Variants in TYW1 observed in about 807,000 individuals in gnomAD.
TYW1 encodes the protein tRNA-yW synthesizing protein 1 homolog, also known as S-adenosyl-L-methionine-dependent tRNA 4-demethylwyosine synthase TYW1.
TYW1 carries 46 observed loss-of-function variants against 96.2 expected under a neutral mutation model. That is an observed-to-expected ratio of 0.48 (90% CI 0.38 to 0.61). The LOEUF is 0.61. TYW1 is among the 20% of genes least tolerant of loss of function. TYW1 has a pLI of 0.00. For missense variants in TYW1, 684 were observed against 909.6 expected, an observed-to-expected ratio of 0.75 and a Z score of 3.19; for synonymous variants, 274 against 323.0, an observed-to-expected ratio of 0.85 and a Z score of 1.63.
intron 7 of TYW1, among the ~76,000 whole-genome samples, chr7:67,029,415 G>GTA (rs55802244): frequency 0.029 from 2,766 of 94,334 alleles, 154 homozygotes; most frequent in African/African-American, 0.079. Context: ...GTGTGTGTGT[G>GTA]TATATATATA....
intron 11 of TYW1, chr7:67,089,276 C>T: frequency 7.3e-7 from 1 of 1,370,280 alleles, no homozygotes; most frequent in Admixed American, 2.0e-5. Flanking sequence ...TGGGGGCAAA[C>T]CAGGCTCCTT....
chr7:67,073,182 A>G (rs866886053), intron 10 of TYW1, among the ~76,000 whole-genome samples: 28 of 152,218 alleles, frequency 1.8e-4, no homozygotes, highest in Middle Eastern at 6.8e-3. Flanking sequence ...CTGTTAAATC[A>G]GTGGTTCTCA....
At chr7:67,001,702 G>A (rs1384965047) in intron 3 of TYW1, among the ~76,000 whole-genome samples, 1 of 151,570 alleles carries the variant, frequency 6.6e-6, no homozygotes, top group Non-Finnish European at 1.5e-5. Flanking sequence ...TTACAGGCGT[G>A]AGCCACCGCG....
In TYW1 at chr7:67,024,943, G is replaced by C; in HGVS notation, c.905G>C (p.Gly302Ala). The change falls in exon 7 of 16, where the codon GGT becomes GCT. Residue 302 changes from glycine (G) to alanine (A), a missense_variant. Transcript: ENST00000359626. ...AGCTCCAGTGAAGAAGAGTTTGGTG[G>C]TGAGGACCATCAGAGCCTAAATTCC... ...FESSSEEEFGGEDHQSLNSIV... is the reference protein window; with the variant it reads ...FESSSEEEFGAEDHQSLNSIV... 2 of 1,613,892 alleles carry C rather than the reference G, an allele frequency of 1.2e-6. No homozygotes were observed. The highest frequency in any genetic ancestry group is 1.7e-6 in the Non-Finnish European group (2 of 1,179,840).
At chr7:67,028,238 CAAAA>C (rs58455978) in intron 7 of TYW1, among the ~76,000 whole-genome samples, 1 of 105,478 alleles carries the variant, frequency 9.5e-6, no homozygotes, top group African/African-American at 3.6e-5. Context: ...GACTCTGTCT[CAAAA>C]AAAAAAAAAA....
At chr7:67,089,782 C>A (rs991983597) in intron 11 of TYW1, among the ~76,000 whole-genome samples, 8 of 152,230 alleles carry the variant, frequency 5.3e-5, no homozygotes, top group Non-Finnish European at 7.4e-5. Context: ...CTTTTCCTGA[C>A]CTTTATTAGC....
At chr7:67,077,791 G>A (rs558442272) in intron 10 of TYW1, among the ~76,000 whole-genome samples, 131 of 152,166 alleles carry the variant, frequency 8.6e-4, no homozygotes, top group African/African-American at 3.0e-3. Flanking sequence ...CTGTAATTTC[G>A]AAGTTCTATT....
intron 15 of TYW1, among the ~76,000 whole-genome samples, chr7:67,224,204 T>C (rs1801483704): frequency 6.6e-6 from 1 of 152,242 alleles, no homozygotes; most frequent in South Asian, 2.1e-4. Flanking sequence ...CTCAGCTCAC[T>C]GCAACCTCCG....
At chr7:67,063,626 C>T (rs1174686340) in intron 9 of TYW1, among the ~76,000 whole-genome samples, 2 of 150,384 alleles carry the variant, frequency 1.3e-5, no homozygotes, top group Admixed American at 6.6e-5. Flanking sequence ...TTTTTTGAGG[C>T]GGAGTCTCGC....
intron 15 of TYW1, among the ~76,000 whole-genome samples, chr7:67,198,367 A>G (rs1800472674): frequency 6.6e-6 from 1 of 152,036 alleles, no homozygotes; most frequent in Admixed American, 6.6e-5. Context: ...CCTGGCCAAC[A>G]TAGTGAAACT....
chr7:67,180,631 G>GCATTTATT (rs1799811056), intron 13 of TYW1, among the ~76,000 whole-genome samples: 1 of 110,568 alleles, frequency 9.0e-6, no homozygotes, highest in South Asian at 2.9e-4. Context: ...AAATAGAAAT[G>GCATTTATT]CATTTATTTA....
rs187138881 is a variant in TYW1 at position 67,118,745 on chromosome 7, C to A, written c.1698+1127C>A. Among the ~76,000 whole-genome samples, 465 of 151,636 alleles carry A rather than the reference C, an allele frequency of 3.1e-3. 2 individuals are homozygous for A. Among genetic ancestry groups the A allele is most frequent in the Admixed American group, 6.0e-3 (92 of 15,208 alleles). ...CCCGTCTCTACCAAAAAACAAAATACAAAAATTACCTGTGGTCCCAGCTAC... is the reference window on the plus strand; with the variant it reads ...CCCGTCTCTACCAAAAAACAAAATAAAAAAATTACCTGTGGTCCCAGCTAC... On this transcript the variant is annotated intron_variant, in intron 13 of 15. Coordinates refer to ENST00000359626, the MANE Select transcript of TYW1 (RefSeq NM_018264.4).
intron 13 of TYW1, among the ~76,000 whole-genome samples, chr7:67,181,000 GA>G (rs201499858): frequency 2.0e-4 from 31 of 151,726 alleles, no homozygotes; most frequent in Non-Finnish European, 2.1e-4. Context: ...GAATGTTGTG[GA>G]TTTTTTTTTT....
At chr7:67,171,632 T>A (rs1229044044) in intron 13 of TYW1, among the ~76,000 whole-genome samples, 1 of 152,188 alleles carries the variant, frequency 6.6e-6, no homozygotes. Context: ...ATGTCAATTG[T>A]TACTTCATAT....
At chr7:67,113,233 T>C (rs1436048360) in intron 12 of TYW1, among the ~76,000 whole-genome samples, 1 of 136,168 alleles carries the variant, frequency 7.3e-6, no homozygotes, top group Non-Finnish European at 1.6e-5. Context: ...CGCTGCGTGG[T>C]GGGACTCTCA....
intron 7 of TYW1, among the ~76,000 whole-genome samples, chr7:67,044,358 A>G (rs1795122720): frequency 3.3e-5 from 5 of 151,874 alleles, no homozygotes; most frequent in Admixed American, 2.0e-4. Flanking sequence ...TCAGCCTCCC[A>G]AAGTGCTGGG....
chr7:67,171,090 C>T lies in TYW1; in HGVS notation c.1699-12036C>T, dbSNP rs187137651. 5.1e-3 allele frequency among the ~76,000 whole-genome samples: 770 copies of T among 151,946 alleles called. 6 individuals are homozygous for T. The highest frequency in any genetic ancestry group is 0.018 in the African/African-American group (729 of 41,462). On this transcript the variant is annotated intron_variant, in intron 13 of 15. Transcript: ENST00000359626. ...AATCTCTTGACTTGTAGGTCTGTTC[C>T]GATTGTCCATTTCTCCTTGAGTCAT...
intron 15 of TYW1, among the ~76,000 whole-genome samples, chr7:67,222,879 T>TC (rs1801442760): frequency 6.6e-6 from 1 of 150,700 alleles, no homozygotes; most frequent in Non-Finnish European, 1.5e-5. Flanking sequence ...TTTTTTTTTT[T>TC]TTTTTTGCTA....
At chr7:67,032,629 AAAAAG>A (rs1377110423) in intron 7 of TYW1, among the ~76,000 whole-genome samples, 5 of 152,044 alleles carry the variant, frequency 3.3e-5, no homozygotes, top group Non-Finnish European at 5.9e-5. Flanking sequence ...CTCAAAGAAA[AAAAAG>A]AAAAGTGGGG....
Sources: gnomAD v4.1 joint callset for allele counts (sites outside exome capture counted in the v4.1 genomes callset) on GRCh38, gnomAD v4.1.1 for gene constraint, MANE v1.5 for transcripts, NCBI Gene and HGNC (gene_info 2026-07-23, HGNC 2026-07-21) for gene names.